Variants in PLPPR1 observed in about 807,000 individuals in gnomAD.
PLPPR1 encodes phospholipid phosphatase related 1, also known as phospholipid phosphatase-related protein type 1.
Under a neutral mutation model 33.1 loss-of-function variants are expected in PLPPR1, and 10 were observed. The observed-to-expected ratio is 0.30, with a 90% CI of 0.19 to 0.51. The LOEUF (loss-of-function observed/expected upper bound fraction) is 0.51. Among genes scored for constraint, PLPPR1 ranks in the 20% least tolerant of loss-of-function variants. The pLI, the probability that PLPPR1 is intolerant of heterozygous loss-of-function variation, is 0.97. For synonymous variants in PLPPR1, 151 were observed against 151.0 expected (o/e 1.00, Z 0.00); for missense variants, 304 against 408.1 (o/e 0.74, Z 2.20).
intron 4 of PLPPR1, among the ~76,000 whole-genome samples, chr9:101,286,599 C>A (rs1162972587): frequency 1.3e-5 from 2 of 152,158 alleles, no homozygotes; most frequent in East Asian, 3.8e-4. Flanking sequence ...AATTTCCTGA[C>A]AGACTTCCCA....
chr9:101,236,161 G>T (rs1378933939), intron 2 of PLPPR1, among the ~76,000 whole-genome samples: 6 of 151,632 alleles, frequency 4.0e-5, no homozygotes, highest in African/African-American at 1.2e-4. Flanking sequence ...TGCCAGGGTT[G>T]TGCTTGGTTT....
chr9:101,150,184 CTTCTT>C (rs1445400559), intron 1 of PLPPR1, among the ~76,000 whole-genome samples: 1 of 152,004 alleles, frequency 6.6e-6, no homozygotes, highest in African/African-American at 2.4e-5. Flanking sequence ...TTCTGTATCT[CTTCTT>C]TAAGCTCATT....
At chr9:101,174,181 C>G (rs1825986597) in intron 1 of PLPPR1, among the ~76,000 whole-genome samples, 1 of 152,048 alleles carries the variant, frequency 6.6e-6, no homozygotes, top group Non-Finnish European at 1.5e-5. Context: ...GGAAAAAACA[C>G]TGCTCAAAAA....
intron 2 of PLPPR1, among the ~76,000 whole-genome samples, chr9:101,212,029 CTG>C (rs1826701122): frequency 6.6e-6 from 1 of 151,586 alleles, no homozygotes; most frequent in South Asian, 2.1e-4. Flanking sequence ...GCTTTTTTTG[CTG>C]TGAGATTTTT....
At chr9:101,237,058 T>C (rs759141697) in intron 2 of PLPPR1, among the ~76,000 whole-genome samples, 28 of 151,758 alleles carry the variant, frequency 1.8e-4, no homozygotes, top group Admixed American at 8.6e-4. Context: ...TATCTTTAAA[T>C]GTGTGAAAAA....
At chr9:101,048,104 C>T (rs1451102044) in intron 1 of PLPPR1, among the ~76,000 whole-genome samples, 1 of 152,170 alleles carries the variant, frequency 6.6e-6, no homozygotes, top group East Asian at 1.9e-4. Flanking sequence ...GCATGTGCCA[C>T]ACTCAGGTAC....
At chr9:101,239,135 T>G (rs998445398) in intron 2 of PLPPR1, among the ~76,000 whole-genome samples, 1 of 151,706 alleles carries the variant, frequency 6.6e-6, no homozygotes, top group African/African-American at 2.4e-5. Flanking sequence ...TGGTGGACAT[T>G]TAGGCAATTC....
chr9:101,207,217 A>T (rs1826605537), intron 2 of PLPPR1, among the ~76,000 whole-genome samples: 1 of 151,942 alleles, frequency 6.6e-6, no homozygotes, highest in African/African-American at 2.4e-5. Context: ...ATAAACCTTT[A>T]AAAAAAATCT....
intron 4 of PLPPR1, among the ~76,000 whole-genome samples, chr9:101,296,713 G>C (rs1052767388): frequency 1.3e-5 from 2 of 151,826 alleles, no homozygotes; most frequent in African/African-American, 4.8e-5. Flanking sequence ...ACCAAACACC[G>C]TATATTTTCA....
chr9:101,209,310 GGA>G (rs1225163072), intron 2 of PLPPR1, among the ~76,000 whole-genome samples: 1 of 152,194 alleles, frequency 6.6e-6, no homozygotes, highest in Admixed American at 6.5e-5. Flanking sequence ...TGAGGTCTGT[GGA>G]TTCAAAGAGG....
At chr9:101,078,786 C>T (rs1003314628) in intron 1 of PLPPR1, among the ~76,000 whole-genome samples, 2 of 152,096 alleles carry the variant, frequency 1.3e-5, no homozygotes, top group Admixed American at 1.3e-4. Flanking sequence ...TCATTCCCTC[C>T]TGTCTCAATT....
At chr9:101,149,896 C>A (rs1831561475) in intron 1 of PLPPR1, among the ~76,000 whole-genome samples, 1 of 151,826 alleles carries the variant, frequency 6.6e-6, no homozygotes, top group Admixed American at 6.6e-5. Context: ...TTTTTCTGTT[C>A]TCTTTTTCAG....
At chr9:101,251,907 G>C (rs1309524649) in intron 2 of PLPPR1, among the ~76,000 whole-genome samples, 2 of 152,080 alleles carry the variant, frequency 1.3e-5, no homozygotes, top group East Asian at 3.9e-4. Context: ...ACCTATGATT[G>C]AGTGTGTTTA....
At chr9:101,029,144 G>C (rs1387108309) in intron 1 of PLPPR1, 42 bp downstream of exon 1, 1 of 153,170 alleles carries the variant, frequency 6.5e-6, no homozygotes, top group African/African-American at 2.4e-5. Context: ...GGAAGTCTCT[G>C]CACCGGGGCA....
chr9:101,096,276 A>G (rs1402592740), intron 1 of PLPPR1, among the ~76,000 whole-genome samples: 1 of 152,146 alleles, frequency 6.6e-6, no homozygotes, highest in Non-Finnish European at 1.5e-5. Flanking sequence ...CTTTCAGAAG[A>G]AGAATAACAT....
chr9:101,201,139 C>A (rs1208190858), intron 2 of PLPPR1, among the ~76,000 whole-genome samples: 1 of 152,132 alleles, frequency 6.6e-6, no homozygotes, highest in Non-Finnish European at 1.5e-5. Flanking sequence ...CATGACAGGA[C>A]AAAAGGCCAA....
chr9:101,202,722 A>T (rs555989342), intron 2 of PLPPR1, among the ~76,000 whole-genome samples: 2 of 152,344 alleles, frequency 1.3e-5, no homozygotes, highest in East Asian at 3.9e-4. Context: ...AGGGATTTCT[A>T]GAAGGCTGCC....
intron 1 of PLPPR1, among the ~76,000 whole-genome samples, chr9:101,031,707 T>C (rs1430607350): frequency 2.0e-5 from 3 of 152,236 alleles, no homozygotes; most frequent in Non-Finnish European, 4.4e-5. Flanking sequence ...AGTGATTTTT[T>C]CCTTTCCCTG....
chr9:101,161,295 T>C (rs1279884875), intron 1 of PLPPR1, among the ~76,000 whole-genome samples: 1 of 152,186 alleles, frequency 6.6e-6, no homozygotes, highest in Non-Finnish European at 1.5e-5. Context: ...GAGAAGAATA[T>C]GGACACACAT....
Sources: gnomAD v4.1 joint callset for allele counts (sites outside exome capture counted in the v4.1 genomes callset) on GRCh38, gnomAD v4.1.1 for gene constraint, MANE v1.5 for transcripts, NCBI Gene and HGNC (gene_info 2026-07-23, HGNC 2026-07-21) for gene names.